PSMD12: variants seen among roughly 807,000 people sequenced by gnomAD.
The protein encoded by PSMD12 is 26S proteasome non-ATPase regulatory subunit 12.
In PSMD12, 8 loss-of-function variants were observed where a neutral mutation model predicts 62.9. That is an observed-to-expected ratio of 0.13 (90% CI 0.07 to 0.23). PSMD12 has a LOEUF of 0.23. PSMD12 is among the 10% of genes least tolerant of loss of function. The probability of loss-of-function intolerance (pLI) is 1.00; values close to 1 mark genes in which losing one functional copy is unlikely to be tolerated. For synonymous variants in PSMD12, 173 were observed against 187.4 expected (o/e 0.92, Z 0.63); for missense variants, 424 against 550.2 (o/e 0.77, Z 2.29).
At chr17:67,352,235 G>A (rs7212821) in intron 3 of PSMD12, among the ~76,000 whole-genome samples, 7,191 of 152,124 alleles carry the variant, frequency 0.047, 541 homozygotes, top group African/African-American at 0.16. Flanking sequence ...TGGGACTACA[G>A]GTATGTGCCA....
At chr17:67,357,969 T>C (rs2042091969) in intron 1 of PSMD12, among the ~76,000 whole-genome samples, 1 of 151,950 alleles carries the variant, frequency 6.6e-6, no homozygotes, top group African/African-American at 2.4e-5. Context: ...TCACCCAGGC[T>C]GAAGTGCAGT....
At chr17:67,364,020 G>A (rs2042157760) in intron 1 of PSMD12, among the ~76,000 whole-genome samples, 1 of 152,068 alleles carries the variant, frequency 6.6e-6, no homozygotes, top group Non-Finnish European at 1.5e-5. Context: ...CTGCACTCCA[G>A]CCTGGGCAAC....
At chr17:67,366,306 A>G (rs2042178460) in intron 1 of PSMD12, 106 bp downstream of exon 1, 2 of 1,103,746 alleles carry the variant, frequency 1.8e-6, no homozygotes, top group South Asian at 2.9e-5. Context: ...CTGGACAGGC[A>G]TTGGGGGGTG....
At chr17:67,351,853 C>T (rs887071850) in intron 3 of PSMD12, among the ~76,000 whole-genome samples, 1 of 150,638 alleles carries the variant, frequency 6.6e-6, no homozygotes, top group African/African-American at 2.4e-5. Flanking sequence ...TAATCCCAGA[C>T]TTTGGGAGGC....
Position 67,350,174 on chromosome 17 carries a change from T to C in PSMD12, c.405+55A>G. 4 of 1,195,340 alleles carry C rather than the reference T, an allele frequency of 3.3e-6. No individual in the cohort carries two copies. The South Asian group carries it at 5.6e-5, about 17-fold the overall frequency. The allele number at this position is 1,195,340 out of a possible 1,614,324, so 74.0% of individuals were successfully genotyped here. A position where few individuals can be genotyped will look rare whatever the true frequency, so the allele number is the denominator to read the frequency against. Reference sequence around the variant, plus strand: ...AATATCTACATACATTAAGTATCTCTGAATACAGAAAAAACAGTTCATATC... The same window carrying C: ...AATATCTACATACATTAAGTATCTCCGAATACAGAAAAAACAGTTCATATC... On this transcript the variant is annotated intron_variant, in intron 4 of 10. Transcript: ENST00000356126.
intron 3 of PSMD12, among the ~76,000 whole-genome samples, chr17:67,352,348 A>G (rs2042026662): frequency 6.6e-6 from 1 of 152,154 alleles, no homozygotes. Flanking sequence ...ATCAATGAGA[A>G]CAAGCAGTAT....
intron 1 of PSMD12, among the ~76,000 whole-genome samples, chr17:67,357,818 C>T (rs975689813): frequency 6.6e-6 from 1 of 152,138 alleles, no homozygotes; most frequent in South Asian, 2.1e-4. Context: ...TTTTTAAATG[C>T]CTAAGAGAAA....
intron 4 of PSMD12, among the ~76,000 whole-genome samples, chr17:67,349,145 G>A (rs956934139): frequency 7.9e-5 from 12 of 152,154 alleles, no homozygotes; most frequent in African/African-American, 2.9e-4. Flanking sequence ...TCAGCCTCCA[G>A]AGTAGCTGGG....
rs1010810236 is a variant in PSMD12, at chr17:67,338,877, G to A, written c.*1966C>T. On this transcript the variant is annotated 3_prime_UTR_variant, in exon 11 of 11. Coordinates refer to ENST00000356126, the MANE Select transcript of PSMD12 (RefSeq NM_002816.5). ...CAAAAAATATGAAAAAAATAAAGAG[G>A]AGGAACACTTGCAATCTCTATAGCA... 2.0e-5 allele frequency: 3 copies of A among 152,064 alleles called. No homozygotes were observed. The highest frequency in any genetic ancestry group is 3.9e-4 in the East Asian group (2 of 5,194). 9.4% of individuals were successfully genotyped at this position (152,064 alleles called of 1,614,324 possible). A position where few individuals can be genotyped will look rare whatever the true frequency, so the allele number is the denominator to read the frequency against.
chr17:67,341,143 C>A, intron 10 of PSMD12, 91 bp from the exon 11 acceptor site: 1 of 960,076 alleles, frequency 1.0e-6, no homozygotes, highest in Non-Finnish European at 1.5e-6. Flanking sequence ...ACTCTTCATC[C>A]AAGAATATGC....
At chr17:67,345,077 T>G (rs1035001287) in intron 8 of PSMD12, among the ~76,000 whole-genome samples, 1 of 152,232 alleles carries the variant, frequency 6.6e-6, no homozygotes, top group Admixed American at 6.5e-5. Flanking sequence ...GTTGTGTTTA[T>G]GATGAAGCAA....
chr17:67,357,474 C>T, intron 2 of PSMD12, 43 bp from the exon 3 acceptor site: 5 of 1,612,768 alleles, frequency 3.1e-6, no homozygotes, highest in Non-Finnish European at 4.2e-6. Flanking sequence ...GAAGAATGTT[C>T]AATGAAATTA....
intron 9 of PSMD12, among the ~76,000 whole-genome samples, chr17:67,343,937 C>T (rs1293632351): frequency 1.3e-5 from 2 of 152,144 alleles, no homozygotes; most frequent in Non-Finnish European, 2.9e-5. Context: ...CTCCTGACCT[C>T]AGGTGATCTG....
chr17:67,351,083 T>A (rs2042012766), intron 3 of PSMD12, among the ~76,000 whole-genome samples: 1 of 152,060 alleles, frequency 6.6e-6, no homozygotes, highest in Non-Finnish European at 1.5e-5. Context: ...AAGCAATATA[T>A]GATAATCACT....
chr17:67,360,625 G>GC, intron 1 of PSMD12, among the ~76,000 whole-genome samples: 1 of 152,306 alleles, frequency 6.6e-6, no homozygotes. Context: ...CACTGCTTCT[G>GC]CAGACACTAT....
intron 10 of PSMD12, among the ~76,000 whole-genome samples, chr17:67,341,802 A>C (rs541620103): frequency 6.6e-5 from 10 of 152,346 alleles, no homozygotes; most frequent in Admixed American, 3.3e-4. Flanking sequence ...ACTCTCATTC[A>C]TAAGTGACAA....
At chr17:67,348,455 A>C in intron 5 of PSMD12, 95 bp downstream of exon 5, 2 of 1,015,662 alleles carry the variant, frequency 2.0e-6, no homozygotes, top group Non-Finnish European at 3.0e-6. Flanking sequence ...TATTGGTCCC[A>C]AACATTTTGG....
At position 67,350,279 on chromosome 17, in the gene PSMD12, G is replaced by A. The variant is rs2042005294; in HGVS notation, c.355C>T (p.Pro119Ser). 1.2e-6 allele frequency: 2 copies of A among 1,613,236 alleles called. No individual in the cohort carries two copies. Among genetic ancestry groups the A allele is most frequent in the South Asian group, 2.2e-5 (2 of 90,874 alleles). The part of the protein sequence containing the change: ...CTYVEEITDL[P>S]IKLRLIDTLR... ...GTATCAATTAATCGAAGTTTGATAG[G>A]AAGGTCTGTGATTTCCTCAACATAA... The change falls in exon 4 of 11, where the codon CCT becomes TCT. Residue 119 changes from proline to serine, a missense_variant. Physicochemically the swap from Pro to Ser is moderately conservative, Grantham distance 74. Coordinates refer to ENST00000356126, the MANE Select transcript of PSMD12 (RefSeq NM_002816.5).
intron 9 of PSMD12, among the ~76,000 whole-genome samples, chr17:67,342,801 T>C (rs1281137460): frequency 6.6e-6 from 1 of 151,422 alleles, no homozygotes; most frequent in Non-Finnish European, 1.5e-5. Context: ...CTGAATATGG[T>C]GGTGCATGCC....
Sources: allele counts gnomAD v4.1 joint callset (sites outside exome capture counted in the v4.1 genomes callset), GRCh38; gene constraint gnomAD v4.1.1; transcripts MANE v1.5; gene names NCBI Gene and HGNC (gene_info 2026-07-23, HGNC 2026-07-21).